Variants in EP400 observed in about 807,000 individuals in gnomAD.
EP400 encodes E1A binding protein p400.
In EP400, 105 loss-of-function variants were observed where a neutral mutation model predicts 354.1. The ratio of observed to expected loss-of-function variants is 0.30; its 90% CI spans 0.25 to 0.35. The LOEUF is 0.35. Ranked by LOEUF, EP400 falls within the 10% of genes least tolerant of loss-of-function variation. The pLI is 1.00. For synonymous variants in EP400, 1,646 were observed against 1,716.9 expected (o/e 0.96, Z 1.02); for missense variants, 3,280 against 4,121.0 (o/e 0.80, Z 5.59).
At chr12:132,035,892 G>A (rs1252373869) in intron 30 of EP400, among the ~76,000 whole-genome samples, 37 of 129,508 alleles carry the variant, frequency 2.9e-4, no homozygotes, top group Middle Eastern at 0.013. Context: ...ACGGAACGTC[G>A]TGGAAGGGCA....
At chr12:131,987,249 T>A (rs994801049) in intron 6 of EP400, among the ~76,000 whole-genome samples, 8 of 152,194 alleles carry the variant, frequency 5.3e-5, no homozygotes, top group Non-Finnish European at 1.2e-4. Context: ...TTAAAAGAAA[T>A]GTGTATCAAA....
At chr12:132,056,476 A>G (rs932649774) in intron 45 of EP400, among the ~76,000 whole-genome samples, 5 of 152,092 alleles carry the variant, frequency 3.3e-5, no homozygotes, top group Non-Finnish European at 5.9e-5. Flanking sequence ...AAAAGTGCCA[A>G]GGGAATTCAG....
At chr12:132,073,001 T>A (rs1896108446) in intron 51 of EP400, among the ~76,000 whole-genome samples, 1 of 152,216 alleles carries the variant, frequency 6.6e-6, no homozygotes, top group African/African-American at 2.4e-5. Context: ...TCAGCCATTC[T>A]CTGTGTGTCC....
At chr12:132,007,813 A>G (rs1006808133) in intron 15 of EP400, among the ~76,000 whole-genome samples, 1 of 152,210 alleles carries the variant, frequency 6.6e-6, no homozygotes, top group Non-Finnish European at 1.5e-5. Context: ...AGCTTAGGGA[A>G]GCGATGACCC....
chr12:131,984,790 C>T (rs1487166231), intron 5 of EP400, among the ~76,000 whole-genome samples: 1 of 151,882 alleles, frequency 6.6e-6, no homozygotes, highest in Non-Finnish European at 1.5e-5. Context: ...CCTCTGCCTC[C>T]TGGGTTCAAA....
Position 131,979,781 on chromosome 12 carries a change from A to G in EP400, c.1423A>G (p.Thr475Ala). ...TAAGAGGCAGCAGGCGATGCCCTCCACAGGTATGGCAGGTACGTCGGCACG... is the reference window on the plus strand; with the variant it reads ...TAAGAGGCAGCAGGCGATGCCCTCCGCAGGTATGGCAGGTACGTCGGCACG... ...LFKRQQAMPS[T>A]GMAEQSKRPR... The change falls in exon 3 of 53, where the codon ACA (threonine) becomes GCA (alanine). Residue 475 changes from threonine to alanine, a missense_variant. Thr to Ala is a moderately conservative substitution (Grantham distance 58). Around this residue, in one of 20 missense-constraint regions of EP400, gnomAD observed 800 missense variants for 840.0 expected, o/e 0.95. Transcript: ENST00000389561. 1 of 1,610,026 alleles carries G rather than the reference A, an allele frequency of 6.2e-7. No individual in the cohort carries two copies.
At position 131,990,064 on chromosome 12, in the gene EP400, C is replaced by T. The variant is rs768124664; in HGVS notation, c.2510C>T (p.Thr837Met). The T allele has an allele frequency of 5.0e-6, 8 of 1,612,438 alleles. No individual in the cohort carries two copies. Among genetic ancestry groups the T allele is most frequent in the Non-Finnish European group, 5.9e-6 (7 of 1,179,560 alleles). Residue 837 changes from threonine to methionine, a missense_variant, in exon 8 of 53, where the codon ACG becomes ATG. Transcript: ENST00000389561. This position sits in a 1 kb window ranked among gnomAD's most constrained non-coding sequence, Gnocchi z 4.2. ...AGACTGAGGCGGATAGCCGCCTCCA[C>T]GGCCCGGGAGATAGAGTGCTTTTGG... The part of the protein sequence containing the change: ...QSRLRRIAAS[T>M]AREIECFWSN...
Position 132,006,310 on chromosome 12 carries a change from G to A in EP400, c.3126+8G>A, listed in dbSNP as rs370653362. Reference sequence around the variant, plus strand: ...GCTCGGGTCACAACCTCGGTGAGGCGCTAAGCTTTCAAGTGTGGGATGGGC... The same window carrying A: ...GCTCGGGTCACAACCTCGGTGAGGCACTAAGCTTTCAAGTGTGGGATGGGC... On this transcript the variant is annotated splice_region_variant and intron_variant, in intron 14 of 52. Transcript: ENST00000389561. 6.0e-5 allele frequency: 96 copies of A among 1,613,046 alleles called. No individual in the cohort carries two copies. Among genetic ancestry groups the A allele is most frequent in the Non-Finnish European group, 7.5e-5 (88 of 1,179,480 alleles).
rs1895927909 is a variant in EP400 at position 132,067,453 on chromosome 12, G to T, written c.8841G>T (p.Gln2947His). 6.2e-7 allele frequency: 1 copy of T among 1,613,252 alleles called. No homozygotes were observed. The change falls in exon 50 of 53, where the codon CAG (glutamine) becomes CAT (histidine). Residue 2947 changes from glutamine (Q) to histidine (H), a missense_variant. Around this residue, in one of 20 missense-constraint regions of EP400, gnomAD observed 279 missense variants for 386.7 expected, o/e 0.72. Transcript: ENST00000389561. The surrounding 1 kb of genome is among the most constrained non-coding windows in gnomAD (Gnocchi z 5.3). The part of the protein sequence containing the change: ...AVQQQKAIQP[Q>H]AAQGPAAVQQ... Reference sequence around the variant, plus strand: ...AGCAGCAGAAGGCCATCCAGCCCCAGGCTGCACAGGGCCCGGCAGCCGTCC... The same window carrying T: ...AGCAGCAGAAGGCCATCCAGCCCCATGCTGCACAGGGCCCGGCAGCCGTCC...
rs779572889 is a variant in EP400 at position 132,005,118 on chromosome 12, G to C, written c.2869G>C (p.Ala957Pro). The change falls in exon 13 of 53, where the codon GCC (alanine) becomes CCC (proline). Residue 957 changes from alanine to proline, a missense_variant. Physicochemically the swap from Ala to Pro is conservative, Grantham distance 27. Transcript: ENST00000389561. ...GGACCTGATGAAGCTGTACGAAGGC[G>C]CCTTCCTGCCGAGTTCTCAGTGGCC... ...LLDLMKLYEG[A>P]FLPSSQWPRP... The C allele has an allele frequency of 6.3e-7, 1 of 1,589,780 alleles. No individual in the cohort carries two copies. Among genetic ancestry groups the C allele is most frequent in the East Asian group, 2.3e-5 (1 of 44,016 alleles).
In EP400 at chr12:132,011,361, C is replaced by G. The variant is rs770062617; in HGVS notation, c.3305-137C>G. The G allele has an allele frequency of 2.0e-5, 22 of 1,081,728 alleles. No individual in the cohort carries two copies. The Admixed American group carries it at 3.0e-4, about 15-fold the overall frequency. 67.0% of individuals were successfully genotyped at this position (1,081,728 alleles called of 1,614,324 possible). A position where few individuals can be genotyped will look rare whatever the true frequency, so the allele number is the denominator to read the frequency against. On this transcript the variant is annotated intron_variant, in intron 15 of 52. Transcript: ENST00000389561. ...CTCCAGATGAATGCACTTGTTCCCC[C>G]CCAAGTCTGCCTCAGTCGTGCGATG...
chr12:132,052,693 T>G lies in EP400; in HGVS notation c.7395-453T>G, dbSNP rs1895338738. Among the ~76,000 whole-genome samples the G allele has an allele frequency of 6.6e-6, 1 of 151,802 alleles. No individual in the cohort carries two copies. The highest frequency in any genetic ancestry group is 2.4e-5 in the African/African-American group (1 of 41,302). On this transcript the variant is annotated intron_variant, in intron 41 of 52. Coordinates refer to ENST00000389561, the MANE Select transcript of EP400 (RefSeq NM_015409.5). The surrounding 1 kb of genome is among the most constrained non-coding windows in gnomAD (Gnocchi z 4.4). ...ATGAAGAGTTAATTCACCCTACTAA[T>G]ATTTATGGACCGCGGGCCTGCGCGG... is the stretch of plus-strand genomic sequence containing the variant.
At position 132,025,614 on chromosome 12, in the gene EP400, G is replaced by C. The variant is rs1894279535; in HGVS notation, c.4856-32G>C. On this transcript the variant is annotated intron_variant, in intron 24 of 52. Transcript: ENST00000389561. The surrounding 1 kb of genome is among the most constrained non-coding windows in gnomAD (Gnocchi z 4.1). ...GTGTGGCTGTGATGTACACATGCCT[G>C]TCATTGACACCTAGTGGACCTATGA... 2.6e-6 allele frequency: 4 copies of C among 1,560,848 alleles called. No homozygotes were observed. The highest frequency in any genetic ancestry group is 2.6e-6 in the Non-Finnish European group (3 of 1,152,582).
intron 16 of EP400, among the ~76,000 whole-genome samples, chr12:132,012,640 C>G (rs1055148496): frequency 2.6e-5 from 4 of 152,214 alleles, no homozygotes; most frequent in East Asian, 1.9e-4. Context: ...CAGTCAGTTG[C>G]AATACAGATG....
chr12:132,027,685 A>T lies in EP400; in HGVS notation c.5109+154A>T, dbSNP rs944989511. On this transcript the variant is annotated intron_variant, in intron 26 of 52. Transcript: ENST00000389561. The surrounding 1 kb of genome is among the most constrained non-coding windows in gnomAD (Gnocchi z 4.9). Reference sequence around the variant, plus strand: ...AAAACACACATTTTCTAATAAAATAAATGAAACTGGACTTACGACTGCCAC... The same window carrying T: ...AAAACACACATTTTCTAATAAAATATATGAAACTGGACTTACGACTGCCAC... Among the ~76,000 whole-genome samples the T allele has an allele frequency of 3.3e-5, 5 of 152,264 alleles. No homozygotes were observed. Among genetic ancestry groups the T allele is most frequent in the African/African-American group, 1.2e-4 (5 of 41,470 alleles).
At chr12:131,955,221 A>G (rs1260512995) in intron 1 of EP400, among the ~76,000 whole-genome samples, 1 of 152,230 alleles carries the variant, frequency 6.6e-6, no homozygotes, top group Non-Finnish European at 1.5e-5. Flanking sequence ...TAATGTGGCT[A>G]TAACATCACT....
At chr12:131,956,560 A>G (rs901938843) in intron 1 of EP400, among the ~76,000 whole-genome samples, 2 of 152,140 alleles carry the variant, frequency 1.3e-5, no homozygotes, top group African/African-American at 4.8e-5. Flanking sequence ...AAGTAGGGTT[A>G]CTAGGCCAAA....
chr12:132,050,902 C>T lies in EP400; in HGVS notation c.7394+247C>T, dbSNP rs1462326211. 4.2e-5 allele frequency: 24 copies of T among 577,500 alleles called. No homozygotes were observed. Among genetic ancestry groups the T allele is most frequent in the African/African-American group, 1.3e-4 (7 of 53,436 alleles). The allele number at this position is 577,500 out of a possible 1,614,324, so 35.8% of individuals were successfully genotyped here. On this transcript the variant is annotated intron_variant, in intron 41 of 52. Transcript: ENST00000389561. The surrounding 1 kb of genome is among the most constrained non-coding windows in gnomAD (Gnocchi z 4.8). ...CTTGCTGGCCCTCAGTGGGGAAAGA[C>T]GCTGACAGATGTGATGAGTGTGCCA...
intron 12 of EP400, among the ~76,000 whole-genome samples, chr12:131,999,382 TATAAG>T (rs1255713368): frequency 6.6e-6 from 1 of 152,190 alleles, no homozygotes; most frequent in Non-Finnish European, 1.5e-5. Context: ...TAGATATTTT[TATAAG>T]ATTAGTGAAG....
Sources: gnomAD v4.1 joint callset for allele counts (sites outside exome capture counted in the v4.1 genomes callset) on GRCh38, gnomAD v4.1.1 for gene constraint, gnomAD v4.1.1 regional missense constraint, Gnocchi (gnomAD v3.1) non-coding constraint, MANE v1.5 for transcripts, NCBI Gene and HGNC (gene_info 2026-07-23, HGNC 2026-07-21) for gene names.